NBPF8: variants seen among roughly 807,000 people sequenced by gnomAD.
NBPF8 encodes NBPF family member NBPF8.
At chr1:120,422,350 ATAGTT>A (rs1660599461) in intron 1 of NBPF8, among the ~76,000 whole-genome samples, 1 of 149,832 alleles carries the variant, frequency 6.7e-6, no homozygotes, top group Non-Finnish European at 1.5e-5. Flanking sequence ...ATCATGCAAA[ATAGTT>A]TCACTGCTGA....
At chr1:120,463,231 TA>T (rs1455088572) in intron 21 of NBPF8, among the ~76,000 whole-genome samples, 2 of 144,544 alleles carry the variant, frequency 1.4e-5, no homozygotes, top group Admixed American at 6.9e-5. Context: ...CAGGCAGATG[TA>T]AAAAATTCAC....
intron 11 of NBPF8, among the ~76,000 whole-genome samples, chr1:120,450,512 T>A (rs1244635908): frequency 6.6e-6 from 1 of 152,166 alleles, no homozygotes; most frequent in Non-Finnish European, 1.5e-5. Context: ...GTGAATTACA[T>A]GAGCTATTTC....
chr1:120,431,359 AATATATATATATATATATAT>A (rs869036983), upstream of NBPF8, among the ~76,000 whole-genome samples: 220 of 42,052 alleles, frequency 5.2e-3, 3 homozygotes, highest in Non-Finnish European at 7.4e-3. Context: ...CCAAATAGGG[AATATATATATATATATATAT>A]ATATATATAT....
At chr1:120,450,579 C>A (rs1402283221) in intron 11 of NBPF8, among the ~76,000 whole-genome samples, 5 of 152,342 alleles carry the variant, frequency 3.3e-5, no homozygotes, top group Admixed American at 2.6e-4. Context: ...ATTAGTTCTT[C>A]ATTCTGCTGT....
chr1:120,462,629 C>T (rs1215653903), intron 20 of NBPF8, among the ~76,000 whole-genome samples, 165 bp from the exon 19 acceptor site: 6 of 82,318 alleles, frequency 7.3e-5, no homozygotes, highest in African/African-American at 1.4e-4. Flanking sequence ...TCTTTTCTAC[C>T]TGGCCCTGGT....
intron 3 of NBPF8, among the ~76,000 whole-genome samples, 124 bp downstream of exon 3, chr1:120,427,971 A>G (rs1425738196): frequency 6.6e-6 from 1 of 152,158 alleles, no homozygotes; most frequent in Non-Finnish European, 1.5e-5. Flanking sequence ...TCTTTGTATC[A>G]CTTTAAATGA....
At chr1:120,415,157 G>T (rs1660394427), upstream of NBPF8, among the ~76,000 whole-genome samples, 1 of 152,180 alleles carries the variant, frequency 6.6e-6, no homozygotes, top group African/African-American at 2.4e-5. Flanking sequence ...TGAACGCGGT[G>T]CTTTTGGGAA....
chr1:120,434,723 A>G (rs1175643851), upstream of NBPF8, among the ~76,000 whole-genome samples: 2 of 145,568 alleles, frequency 1.4e-5, no homozygotes, highest in Admixed American at 7.0e-5. Flanking sequence ...AAAAGTTAAT[A>G]TTAACCACTC....
At chr1:120,449,819 C>G (rs1379006623) in intron 11 of NBPF8, among the ~76,000 whole-genome samples, 1 of 152,206 alleles carries the variant, frequency 6.6e-6, no homozygotes, top group Admixed American at 6.5e-5. Flanking sequence ...AGACAAAGCT[C>G]TGTTCTAGTG....
rs1432970431 is a variant in NBPF8 at position 120,459,592 on chromosome 1, C to T, written n.2784+62C>T. ...TCATGGCCCAGGTAGACCCCATAAT[C>T]TTTGGGCCTTGTGCCGCTTGTTGGG... On this transcript the variant is annotated intron_variant and non_coding_transcript_variant, in intron 17 of 24. Coordinates refer to ENST00000583271, the Ensembl canonical transcript of NBPF8. 2.8e-5 allele frequency: 39 copies of T among 1,383,374 alleles called. 4 individuals are homozygous for T. Among genetic ancestry groups the T allele is most frequent in the Middle Eastern group, 5.1e-4 (2 of 3,930 alleles). 85.7% of individuals were successfully genotyped at this position (1,383,374 alleles called of 1,614,324 possible).
chr1:120,460,331 A>T (rs1661544772), intron 17 of NBPF8, among the ~76,000 whole-genome samples: 1 of 152,178 alleles, frequency 6.6e-6, no homozygotes, highest in Non-Finnish European at 1.5e-5. Context: ...ACATAAACCT[A>T]GGACAGAGCA....
intron 3 of NBPF8, among the ~76,000 whole-genome samples, chr1:120,428,289 A>G (rs1570929021): frequency 6.7e-6 from 1 of 148,692 alleles, no homozygotes; most frequent in Non-Finnish European, 1.5e-5. Flanking sequence ...GTCTGGACAC[A>G]GTAGACAAAG....
chr1:120,420,184 T>C (rs1309427347), intron 1 of NBPF8, among the ~76,000 whole-genome samples, 66 bp downstream of exon 2: 2 of 150,976 alleles, frequency 1.3e-5, no homozygotes, highest in Non-Finnish European at 3.0e-5. Flanking sequence ...ATGACTCAGA[T>C]GTGAAGGGAA....
At chr1:120,436,303 G>A (rs1334487402), upstream of NBPF8, 119 of 1,422,444 alleles carry the variant, frequency 8.4e-5, no homozygotes, top group African/African-American at 1.5e-3. Flanking sequence ...AGTGCTTTCA[G>A]CTCTGAGTTG....
intron 1 of NBPF8, 113 bp downstream of exon 4, chr1:120,436,810 G>C: frequency 1.6e-6 from 1 of 621,326 alleles, no homozygotes; most frequent in South Asian, 1.8e-5. Flanking sequence ...GTACTTCTAG[G>C]AAAACAGAAA....
At chr1:120,461,910 C>A (rs1422362536) in intron 19 of NBPF8, among the ~76,000 whole-genome samples, 1 of 104,912 alleles carries the variant, frequency 9.5e-6, no homozygotes, top group African/African-American at 4.1e-5. Flanking sequence ...AAACTTGGGA[C>A]AAATGATATT....
At chr1:120,424,696 C>T (rs1232882475) in intron 1 of NBPF8, among the ~76,000 whole-genome samples, 5 of 139,676 alleles carry the variant, frequency 3.6e-5, no homozygotes, top group Non-Finnish European at 8.2e-5. Flanking sequence ...GATCCACCTG[C>T]CTTGGCCTCT....
chr1:120,424,772 T>C (rs1660666801), intron 1 of NBPF8, among the ~76,000 whole-genome samples: 1 of 139,360 alleles, frequency 7.2e-6, no homozygotes, highest in Non-Finnish European at 1.5e-5. Flanking sequence ...GAAAGAGAGA[T>C]CAGATTGTTA....
At chr1:120,464,432 A>T (rs1661685554) in exon 23 of NBPF8, 10 of 769,630 alleles carry the variant, frequency 1.3e-5, no homozygotes, top group African/African-American at 1.8e-5. Context: ...GACTCACTGG[A>T]TAGATGTTAT....
Sources: allele counts gnomAD v4.1 joint callset (sites outside exome capture counted in the v4.1 genomes callset), GRCh38; gene constraint gnomAD v4.1.1; transcripts MANE v1.5; gene names NCBI Gene and HGNC (gene_info 2026-07-23, HGNC 2026-07-21).